MEIS3: variants seen among roughly 807,000 people sequenced by gnomAD.
MEIS3 encodes Meis homeobox 3.
In MEIS3, 38 loss-of-function variants were observed where a neutral mutation model predicts 51.4. That is an observed-to-expected ratio of 0.74 (90% CI 0.57 to 0.97). MEIS3 has a LOEUF of 0.97. Among genes scored for constraint, MEIS3 ranks in the 50% least tolerant of loss-of-function variants. MEIS3 has a pLI of 0.00. For synonymous variants in MEIS3, 198 were observed against 201.8 expected (o/e 0.98, Z 0.16); for missense variants, 456 against 502.6 (o/e 0.91, Z 0.89).
chr19:47,419,180 G>A lies in MEIS3; in HGVS notation c.-99C>T. On this transcript the variant is annotated 5_prime_UTR_variant, in exon 1 of 13. Transcript: ENST00000558555. ...GCCCCTGACGGCCCGCGGTGTTGAC[G>A]CCAGGGGGTGGGCAGGAGGCCAGGC... The A allele has an allele frequency of 1.1e-6, 1 of 887,922 alleles. No individual in the cohort carries two copies. Among genetic ancestry groups the A allele is most frequent in the Non-Finnish European group, 1.5e-6 (1 of 676,472 alleles). 55.0% of individuals were successfully genotyped at this position (887,922 alleles called of 1,614,324 possible).
At chr19:47,414,475 T>C (rs757389330) in intron 6 of MEIS3, among the ~76,000 whole-genome samples, 51 of 152,140 alleles carry the variant, frequency 3.4e-4, no homozygotes, top group Non-Finnish European at 6.5e-4. Context: ...TGTGTGGGTG[T>C]AGCTGAATCT....
At chr19:47,418,860 A>G in intron 1 of MEIS3, 1 of 376,764 alleles carries the variant, frequency 2.7e-6, no homozygotes, top group Non-Finnish European at 4.6e-6. Context: ...GATGGGGAGG[A>G]GGCGAGGCCG....
rs202108910 is a variant in MEIS3, at chr19:47,407,731, C to T, written c.859-303G>A. 2.8e-3 allele frequency: 1,398 copies of T among 493,276 alleles called. 10 individuals carry two copies. Among genetic ancestry groups the T allele is most frequent in the Non-Finnish European group, 4.1e-3 (1,204 of 291,392 alleles). The allele number at this position is 493,276 out of a possible 1,614,324, so 30.6% of individuals were successfully genotyped here. On this transcript the variant is annotated intron_variant, in intron 8 of 12. Transcript: ENST00000558555. ...TGGCGTGGGGGAGGGGCTTCACTGG[C>T]GTCGGGGAGGGAAGCAAAGCCCAGG...
chr19:47,421,203 T>G (rs11083877), upstream of MEIS3, among the ~76,000 whole-genome samples: 5 of 151,822 alleles, frequency 3.3e-5, no homozygotes, highest in Non-Finnish European at 7.4e-5. Context: ...CAGCTCCCAG[T>G]CTGCAGGGGT....
At chr19:47,411,667 A>G (rs1182892269) in intron 6 of MEIS3, among the ~76,000 whole-genome samples, 1 of 151,236 alleles carries the variant, frequency 6.6e-6, no homozygotes, top group Non-Finnish European at 1.5e-5. Flanking sequence ...CAGCCTCCCG[A>G]GTAGCTGGGA....
At chr19:47,406,583 C>T in intron 11 of MEIS3, 57 bp from the exon 12 acceptor site, 1 of 1,537,540 alleles carries the variant, frequency 6.5e-7, no homozygotes, top group Non-Finnish European at 9.0e-7. Context: ...CCCCAGATGC[C>T]TCTAAGTCTC....
Position 47,416,654 on chromosome 19 carries a change from G to A in MEIS3, c.394C>T (p.Leu132=), listed in dbSNP as rs61733745. 3.9e-6 allele frequency: 6 copies of A among 1,540,108 alleles called. No homozygotes were observed. Among genetic ancestry groups the A allele is most frequent in the South Asian group, 3.6e-5 (3 of 83,466 alleles). ...LFSSNPELDN[L]MIQAIQVLRF... is the part of the protein sequence containing the mutation. ...GTGGGGGAGGGCTCGGGTCTCACCA[G>A]ATTGTCCAGTTCTGGGTTGGAGGAG... is the stretch of plus-strand genomic sequence containing the variant. The change falls in exon 4 of 13, where the codon CTG becomes TTG. Residue 132 remains leucine (L), a splice_region_variant and synonymous_variant. Coordinates refer to ENST00000558555, the MANE Select transcript of MEIS3 (RefSeq NM_001301059.2).
Position 47,405,562 on chromosome 19 carries a change from ATTTTTTT to A in MEIS3, c.*17+891_*17+897del, listed in dbSNP as rs769408624. Among the ~76,000 whole-genome samples the A allele has an allele frequency of 2.8e-4, 38 of 135,690 alleles. 1 individual carries two copies. The highest frequency in any genetic ancestry group is 1.0e-3 in the African/African-American group (38 of 36,526). 89.0% of individuals were successfully genotyped at this position (135,690 alleles called of 152,430 possible). A position where few individuals can be genotyped will look rare whatever the true frequency, so the allele number is the denominator to read the frequency against. Reference sequence around the variant, plus strand: ...CATGTCAGGATGGAGTGAGGGCTCAATTTTTTTTTTTTTTTTTTTTTAGATGGAGTCT... The same window carrying A: ...CATGTCAGGATGGAGTGAGGGCTCAATTTTTTTTTTTTTTAGATGGAGTCT... On this transcript the variant is annotated intron_variant, in intron 12 of 12. Coordinates refer to ENST00000558555, the MANE Select transcript of MEIS3 (RefSeq NM_001301059.2).
chr19:47,408,708 C>A (rs1171000417), intron 8 of MEIS3, among the ~76,000 whole-genome samples: 3 of 152,054 alleles, frequency 2.0e-5, no homozygotes, highest in Non-Finnish European at 2.9e-5. Context: ...AGACTGCCTG[C>A]ATTTGAATCC....
At chr19:47,405,669 C>A (rs1417256514) in intron 12 of MEIS3, among the ~76,000 whole-genome samples, 3 of 151,816 alleles carry the variant, frequency 2.0e-5, no homozygotes, top group African/African-American at 7.3e-5. Flanking sequence ...CCTGCCTCAG[C>A]CTCCAGAGTA....
intron 4 of MEIS3, among the ~76,000 whole-genome samples, chr19:47,415,399 G>T (rs896442706): frequency 2.0e-5 from 3 of 151,946 alleles, no homozygotes; most frequent in African/African-American, 7.3e-5. Flanking sequence ...CATGCTGACT[G>T]GCATTCCCAT....
intron 1 of MEIS3, chr19:47,417,880 CCACGTG>C: frequency 1.7e-6 from 1 of 596,370 alleles, no homozygotes; most frequent in Non-Finnish European, 3.0e-6. Context: ...ACACACCAAC[CCACGTG>C]CACACTCATG....
chr19:47,409,360 A>G lies in MEIS3; in HGVS notation c.709+76T>C, dbSNP rs1599806801. The G allele has an allele frequency of 5.1e-6, 8 of 1,576,298 alleles. No homozygotes were observed. The East Asian group carries it at 1.3e-4, about 27-fold the overall frequency. On this transcript the variant is annotated intron_variant, in intron 7 of 12. Coordinates refer to ENST00000558555, the MANE Select transcript of MEIS3 (RefSeq NM_001301059.2). Reference sequence around the variant, plus strand: ...ACACCCCAGCCATCTCTGCCCCTCTACAAGTCTTACTTGCGATCTAACTTC... The same window carrying G: ...ACACCCCAGCCATCTCTGCCCCTCTGCAAGTCTTACTTGCGATCTAACTTC...
intron 8 of MEIS3, 34 bp downstream of exon 8, chr19:47,409,065 T>G: frequency 3.7e-6 from 6 of 1,603,830 alleles, no homozygotes; most frequent in Non-Finnish European, 5.1e-6. Flanking sequence ...CCTCTCTCCA[T>G]TCCCACCCTG....
At chr19:47,418,746 G>C (rs1295638954) in intron 1 of MEIS3, 1 of 247,610 alleles carries the variant, frequency 4.0e-6, no homozygotes. Flanking sequence ...GCAGAAAGAG[G>C]GGGGAGACCA....
upstream of MEIS3, among the ~76,000 whole-genome samples, chr19:47,420,813 AG>A (rs1971679546): frequency 6.8e-6 from 1 of 147,576 alleles, no homozygotes; most frequent in Non-Finnish European, 1.5e-5. Flanking sequence ...AGCAGGGGGG[AG>A]GCTCCGGCTT....
At chr19:47,421,060 G>C (rs1484663320), upstream of MEIS3, among the ~76,000 whole-genome samples, 3 of 151,810 alleles carry the variant, frequency 2.0e-5, no homozygotes, top group Non-Finnish European at 4.4e-5. Context: ...GTGCTGGAGC[G>C]GGGGTGCCTG....
chr19:47,412,015 T>G (rs1298083725), intron 6 of MEIS3, among the ~76,000 whole-genome samples: 13 of 151,866 alleles, frequency 8.6e-5, no homozygotes, highest in Non-Finnish European at 1.9e-4. Context: ...TCTTATTTTT[T>G]GTCGAGATGG....
At position 47,406,462 on chromosome 19, in the gene MEIS3, C is replaced by T. The variant is rs768127934; in HGVS notation, c.*15G>A. 3 of 1,613,160 alleles carry T rather than the reference C, an allele frequency of 1.9e-6. No homozygotes were observed. The South Asian group carries it at 3.3e-5, about 18-fold the overall frequency. On this transcript the variant is annotated splice_region_variant and 3_prime_UTR_variant, in exon 12 of 13. Transcript: ENST00000558555. Reference sequence around the variant, plus strand: ...CCCCAGCCCTTAGACCCTCACACCTCTCCTGCATCAGCCTCTATAGATAAT... The same window carrying T: ...CCCCAGCCCTTAGACCCTCACACCTTTCCTGCATCAGCCTCTATAGATAAT...
Sources: allele counts gnomAD v4.1 joint callset (sites outside exome capture counted in the v4.1 genomes callset), GRCh38; gene constraint gnomAD v4.1.1; transcripts MANE v1.5; gene names NCBI Gene and HGNC (gene_info 2026-07-23, HGNC 2026-07-21).